DPYSL5: variants seen among roughly 807,000 people sequenced by gnomAD.
DPYSL5 encodes dihydropyrimidinase like 5, also known as dihydropyrimidinase-related protein 5.
DPYSL5 carries 9 observed loss-of-function variants against 58.4 expected under a neutral mutation model. The ratio of observed to expected loss-of-function variants is 0.15; its 90% CI spans 0.09 to 0.27. DPYSL5 has a LOEUF of 0.27. Ranked by LOEUF, DPYSL5 falls within the 10% of genes least tolerant of loss-of-function variation. The pLI is 1.00. For missense variants in DPYSL5, 499 were observed against 770.6 expected (o/e 0.65, Z 4.17); for synonymous variants, 293 against 301.9 (o/e 0.97, Z 0.31).
At position 26,914,946 on chromosome 2, in the gene DPYSL5, C is replaced by G. The variant is rs1339314048; in HGVS notation, c.262-9941C>G. Among the ~76,000 whole-genome samples, 7 of 152,206 alleles carry G rather than the reference C, an allele frequency of 4.6e-5. No homozygotes were observed. In the East Asian group the frequency reaches 1.4e-3, roughly 29 times the overall value. On this transcript the variant is annotated intron_variant, in intron 2 of 12. Coordinates refer to ENST00000288699, the MANE Select transcript of DPYSL5 (RefSeq NM_020134.4). Reference sequence around the variant, plus strand: ...CTTGGCTTCCATAACCCCATACCCCCGGGCTTCCTCCTACTTCTTTGCAAT... The same window carrying G: ...CTTGGCTTCCATAACCCCATACCCCGGGGCTTCCTCCTACTTCTTTGCAAT...
chr2:26,930,017 G>C (rs1456786800), intron 5 of DPYSL5, among the ~76,000 whole-genome samples: 1 of 152,228 alleles, frequency 6.6e-6, no homozygotes, highest in Non-Finnish European at 1.5e-5. Flanking sequence ...GAGGGACAAG[G>C]AGCAGGACAC....
intron 1 of DPYSL5, among the ~76,000 whole-genome samples, chr2:26,874,185 A>G (rs919896970): frequency 9.2e-5 from 14 of 152,130 alleles, no homozygotes; most frequent in African/African-American, 2.9e-4. Context: ...TATCAGATCT[A>G]TGTGTTGCAA....
At chr2:26,850,232 G>A (rs1459198378) in intron 1 of DPYSL5, among the ~76,000 whole-genome samples, 1 of 152,196 alleles carries the variant, frequency 6.6e-6, no homozygotes. Flanking sequence ...AAGCCAGTGC[G>A]TCTCTTGCAG....
intron 8 of DPYSL5, chr2:26,939,283 G>A (rs144325436): frequency 0.01 from 1,556 of 152,160 alleles, 18 homozygotes; most frequent in African/African-American, 0.03. Flanking sequence ...GATTACAGGC[G>A]CCCACCACTA....
Position 26,942,033 on chromosome 2 carries a change from G to A in DPYSL5, c.1173G>A (p.Lys391=), listed in dbSNP as rs1178653295. 2.5e-6 allele frequency: 4 copies of A among 1,614,212 alleles called. No homozygotes were observed. Among genetic ancestry groups the A allele is most frequent in the Non-Finnish European group, 2.5e-6 (3 of 1,180,040 alleles). ...AGCTTCTGAACCTGTATCCCCGCAA[G>A]GGCCGCATTATTCCCGGAGCCGATG... ...AAKLLNLYPR[K]GRIIPGADAD... The change falls in exon 10 of 13, where the codon AAG becomes AAA. Residue 391 remains lysine (K), a synonymous_variant. Transcript: ENST00000288699. The surrounding 1 kb of genome is among the most constrained non-coding windows in gnomAD (Gnocchi z 5.9).
intron 2 of DPYSL5, among the ~76,000 whole-genome samples, chr2:26,913,400 A>G (rs1664488753): frequency 6.6e-6 from 1 of 152,174 alleles, no homozygotes; most frequent in African/African-American, 2.4e-5. Context: ...ACTTAGCATA[A>G]GGTCCTCAAG....
In DPYSL5 at chr2:26,933,252, G is replaced by C; in HGVS notation, c.715-6G>C. 1 of 1,614,032 alleles carries C rather than the reference G, an allele frequency of 6.2e-7. No homozygotes were observed. Among genetic ancestry groups the C allele is most frequent in the Non-Finnish European group, 8.5e-7 (1 of 1,179,872 alleles). ...CTCCCTACTTCCCACTGTTTCTTGTGTTTAGACTCACTGTCCAATCTACCT... is the reference window on the plus strand; with the variant it reads ...CTCCCTACTTCCCACTGTTTCTTGTCTTTAGACTCACTGTCCAATCTACCT... On this transcript the variant is annotated splice_region_variant and splice_polypyrimidine_tract_variant and intron_variant, in intron 6 of 12. Transcript: ENST00000288699. This position sits in a 1 kb window ranked among gnomAD's most constrained non-coding sequence, Gnocchi z 4.2.
At chr2:26,873,056 C>T (rs920352563) in intron 1 of DPYSL5, among the ~76,000 whole-genome samples, 21 of 152,144 alleles carry the variant, frequency 1.4e-4, no homozygotes, top group Admixed American at 9.8e-4. Flanking sequence ...TAAACCATTT[C>T]CCCTTTTGTT....
At chr2:26,899,928 C>T (rs1341114718) in intron 2 of DPYSL5, among the ~76,000 whole-genome samples, 1 of 152,194 alleles carries the variant, frequency 6.6e-6, no homozygotes, top group Admixed American at 6.5e-5. Context: ...AATGGGGAGC[C>T]CCATCCTCAT....
At chr2:26,868,084 T>C (rs1162513250) in intron 1 of DPYSL5, among the ~76,000 whole-genome samples, 1 of 152,192 alleles carries the variant, frequency 6.6e-6, no homozygotes, top group Non-Finnish European at 1.5e-5. Context: ...CTTCCTGTAT[T>C]TGCATTTCCT....
In DPYSL5 at chr2:26,944,878, C is replaced by T. The variant is rs1484527272; in HGVS notation, c.1609+54C>T. The stretch of plus-strand genomic sequence containing the variant: ...ATGGGGGTCTGGGAGAAGTGGCCCA[C>T]CTAGGCAGTGGGACTTACGCCTGCT... On this transcript the variant is annotated intron_variant, in intron 12 of 12. Transcript: ENST00000288699. The surrounding 1 kb of genome is among the most constrained non-coding windows in gnomAD (Gnocchi z 4.4). 7 of 1,565,912 alleles carry T rather than the reference C, an allele frequency of 4.5e-6. No homozygotes were observed. In the Admixed American group the frequency reaches 1.1e-4, roughly 24 times the overall value.
chr2:26,932,217 AAAG>A (rs1665051555), intron 6 of DPYSL5, among the ~76,000 whole-genome samples: 1 of 141,592 alleles, frequency 7.1e-6, no homozygotes, highest in Non-Finnish European at 1.6e-5. Context: ...GAAAAGAAAG[AAAG>A]AAAGAAAGAA....
chr2:26,864,930 C>G (rs1373509603), intron 1 of DPYSL5, among the ~76,000 whole-genome samples: 1 of 152,118 alleles, frequency 6.6e-6, no homozygotes, highest in Non-Finnish European at 1.5e-5. Context: ...AAGAAGGGGG[C>G]CCAAGAGGGT....
At chr2:26,928,754 TGTGTGC>T (rs1193680331) in intron 5 of DPYSL5, among the ~76,000 whole-genome samples, 18 of 78,354 alleles carry the variant, frequency 2.3e-4, no homozygotes, top group African/African-American at 5.5e-4. Context: ...CACACATACG[TGTGTGC>T]GTGTGTGTGT....
intron 5 of DPYSL5, among the ~76,000 whole-genome samples, 189 bp downstream of exon 5, chr2:26,928,512 T>C (rs536964437): frequency 2.7e-5 from 4 of 150,906 alleles, no homozygotes; most frequent in African/African-American, 4.9e-5. Context: ...CTGGGCAACA[T>C]GGTGAAACTC....
rs150499587 is a variant in DPYSL5 at position 26,925,018 on chromosome 2, C to A, written c.393C>A (p.His131Gln). 1.2e-6 allele frequency: 2 copies of A among 1,614,120 alleles called. No homozygotes were observed. Among genetic ancestry groups the A allele is most frequent in the East Asian group, 2.2e-5 (1 of 44,876 alleles). ...DPKVCCDYAL[H>Q]VGITWWAPKV... Reference sequence around the variant, plus strand: ...AGGTCTGCTGTGATTACGCCCTCCACGTGGGGATCACCTGGTGGGCACCCA... The same window carrying A: ...AGGTCTGCTGTGATTACGCCCTCCAAGTGGGGATCACCTGGTGGGCACCCA... The change falls in exon 3 of 13, where the codon CAC (histidine) becomes CAA (glutamine). Residue 131 changes from histidine (H) to glutamine (Q), a missense_variant. By Grantham distance (24) the His-to-Gln change is conservative. Transcript: ENST00000288699. The surrounding 1 kb of genome is among the most constrained non-coding windows in gnomAD (Gnocchi z 4.5).
At position 26,889,693 on chromosome 2, in the gene DPYSL5, G is replaced by GA. The variant is rs112768243; in HGVS notation, c.-4-8790dup. On this transcript the variant is annotated intron_variant, in intron 1 of 12. Coordinates refer to ENST00000288699, the MANE Select transcript of DPYSL5 (RefSeq NM_020134.4). ...TGCTTAAGAACCTGCATAGCGTAGGGAAAAAAAAAAAAAGCCTGTATCACA... is the reference window on the plus strand; with the variant it reads ...TGCTTAAGAACCTGCATAGCGTAGGGAAAAAAAAAAAAAAGCCTGTATCACA... Among the ~76,000 whole-genome samples, 406 of 139,332 alleles carry GA rather than the reference G, an allele frequency of 2.9e-3. 1 individual carries two copies. Among genetic ancestry groups the GA allele is most frequent in the African/African-American group, 4.3e-3 (164 of 38,164 alleles). 91.4% of individuals were successfully genotyped at this position (139,332 alleles called of 152,430 possible). A position where few individuals can be genotyped will look rare whatever the true frequency, so the allele number is the denominator to read the frequency against.
Position 26,898,765 on chromosome 2 carries a change from T to C in DPYSL5, c.261+5T>C, listed in dbSNP as rs1413160304. On this transcript the variant is annotated splice_donor_5th_base_variant and intron_variant, in intron 2 of 12. Transcript: ENST00000288699. The surrounding 1 kb of genome is among the most constrained non-coding windows in gnomAD (Gnocchi z 6.1). ...GACTTCTACCATGGGACCAAGGTAATGCTCCTGTTTGCCAAAGGTGGCTTC... is the reference window on the plus strand; with the variant it reads ...GACTTCTACCATGGGACCAAGGTAACGCTCCTGTTTGCCAAAGGTGGCTTC... The C allele has an allele frequency of 1.1e-5, 18 of 1,596,136 alleles. No individual in the cohort carries two copies. In the East Asian group the frequency reaches 3.1e-4, roughly 28 times the overall value.
At chr2:26,932,767 C>G (rs1397929212) in intron 6 of DPYSL5, among the ~76,000 whole-genome samples, 3 of 152,166 alleles carry the variant, frequency 2.0e-5, no homozygotes, top group Non-Finnish European at 4.4e-5. Flanking sequence ...CTTCTCTTGC[C>G]TAGACTCTGA....
Sources: allele counts gnomAD v4.1 joint callset (sites outside exome capture counted in the v4.1 genomes callset), GRCh38; gene constraint gnomAD v4.1.1; non-coding constraint Gnocchi (gnomAD v3.1); transcripts MANE v1.5; gene names NCBI Gene and HGNC (gene_info 2026-07-23, HGNC 2026-07-21).